The following GLP2R variants were observed in gnomAD, a reference collection of about 807,000 sequenced individuals.
GLP2R encodes glucagon like peptide 2 receptor, also known as glucagon-like peptide 2 receptor.
A neutral mutation model predicts 68.2 loss-of-function variants in GLP2R; 59 were observed. That is an observed-to-expected ratio of 0.87 (90% CI 0.70 to 1.07). The LOEUF is 1.07. GLP2R is among the 50% of genes least tolerant of loss of function. The probability of loss-of-function intolerance (pLI) is 0.00; values close to 1 mark genes in which losing one functional copy is unlikely to be tolerated. For missense variants in GLP2R, 548 were observed against 677.4 expected, an observed-to-expected ratio of 0.81 and a Z score of 2.12; for synonymous variants, 270 against 265.4, an observed-to-expected ratio of 1.02 and a Z score of -0.17.
At chr17:9,857,272 A>G (rs17810315) in intron 5 of GLP2R, 151 bp from the exon 6 acceptor site, 24,926 of 683,052 alleles carry the variant, frequency 0.036, 891 homozygotes, top group East Asian at 0.14. Flanking sequence ...AGGCACAGAG[A>G]TTTACGGTCA....
rs571080465 is a variant in GLP2R, at chr17:9,891,721, T to C, written c.*2016T>C. On this transcript the variant is annotated 3_prime_UTR_variant, in exon 13 of 13. Transcript: ENST00000262441. The stretch of plus-strand genomic sequence containing the variant: ...AATGAAGCAAAGGTTTATTTTTTGG[T>C]GTCCAGATTATCCATAGCTCAGTCA... The C allele has an allele frequency of 3.9e-4, 60 of 152,344 alleles. No homozygotes were observed. Among genetic ancestry groups the C allele is most frequent in the African/African-American group, 1.4e-3 (58 of 41,574 alleles). 9.4% of individuals were successfully genotyped at this position (152,344 alleles called of 1,614,324 possible).
At chr17:9,869,787 C>A (rs896320033) in intron 9 of GLP2R, among the ~76,000 whole-genome samples, 1 of 152,204 alleles carries the variant, frequency 6.6e-6, no homozygotes, top group African/African-American at 2.4e-5. Flanking sequence ...TTTTGAGGAC[C>A]TAGCCCAGAA....
intron 10 of GLP2R, among the ~76,000 whole-genome samples, chr17:9,876,932 C>T (rs1380822101): frequency 1.3e-5 from 2 of 152,090 alleles, no homozygotes; most frequent in African/African-American, 2.4e-5. Flanking sequence ...AGGGTTTACC[C>T]CATGTTATTT....
intron 11 of GLP2R, among the ~76,000 whole-genome samples, chr17:9,886,947 A>G (rs1485513506): frequency 6.6e-6 from 1 of 152,196 alleles, no homozygotes; most frequent in African/African-American, 2.4e-5. Context: ...GTTCCAATAT[A>G]TCAGACACAC....
rs557135591 is a variant in GLP2R at position 9,864,227 on chromosome 17, G to T, written c.1056+2137G>T. Among the ~76,000 whole-genome samples the T allele has an allele frequency of 2.6e-5, 4 of 152,180 alleles. No homozygotes were observed. In the East Asian group the frequency reaches 5.8e-4, roughly 22 times the overall value. ...CTTTTCAAAGGATGGTCCTCAGACC[G>T]GGTAGCACCAGCATCGCCTGAGCGC... On this transcript the variant is annotated intron_variant, in intron 9 of 12. Transcript: ENST00000262441.
At position 9,861,166 on chromosome 17, in the gene GLP2R, G is replaced by C; in HGVS notation, c.953G>C (p.Trp318Ser). 6.2e-7 allele frequency: 1 copy of C among 1,613,614 alleles called. No homozygotes were observed. Among genetic ancestry groups the C allele is most frequent in the East Asian group, 2.2e-5 (1 of 44,872 alleles). ...TTCCCTGTGCTATTTGTTGTACCCT[G>C]GGGTTTCGCCCGTGCACACCTGGAG... is the stretch of plus-strand genomic sequence containing the variant. ...WAFPVLFVVPWGFARAHLENT... is the reference protein window; with the variant it reads ...WAFPVLFVVPSGFARAHLENT... The change falls in exon 8 of 13, where the codon TGG (tryptophan) becomes TCG (serine). Residue 318 changes from tryptophan to serine, a missense_variant. By Grantham distance (177) the Trp-to-Ser change is radical. Coordinates refer to ENST00000262441, the MANE Select transcript of GLP2R (RefSeq NM_004246.3).
chr17:9,872,859 C>G (rs1462613805), intron 10 of GLP2R, among the ~76,000 whole-genome samples: 1 of 152,188 alleles, frequency 6.6e-6, no homozygotes. Flanking sequence ...GGTGGCCACT[C>G]TACCCTCCCT....
chr17:9,833,390 A>T (rs1181991723), intron 1 of GLP2R, among the ~76,000 whole-genome samples: 1 of 152,214 alleles, frequency 6.6e-6, no homozygotes, highest in East Asian at 1.9e-4. Context: ...GGACCTGCAG[A>T]TACCTGGGCA....
Position 9,880,309 on chromosome 17 carries a change from T to C in GLP2R, c.1146-69T>C, listed in dbSNP as rs111238898. 3.1e-6 allele frequency: 3 copies of C among 968,742 alleles called. No homozygotes were observed. The African/African-American group carries it at 4.9e-5, about 16-fold the overall frequency. 60.0% of individuals were successfully genotyped at this position (968,742 alleles called of 1,614,324 possible). ...TAAGAGCTGCAACAAAGTCATGGCA[T>C]GGAAGAGCAGGAAATGTTGCTTGTT... On this transcript the variant is annotated intron_variant, in intron 10 of 12. Transcript: ENST00000262441.
chr17:9,878,957 C>A (rs921882715), intron 10 of GLP2R, among the ~76,000 whole-genome samples: 3 of 152,046 alleles, frequency 2.0e-5, no homozygotes, highest in African/African-American at 7.2e-5. Context: ...ATTACAATTA[C>A]GCTCCTCTTT....
At chr17:9,868,930 G>A (rs1392655667) in intron 9 of GLP2R, among the ~76,000 whole-genome samples, 2 of 152,152 alleles carry the variant, frequency 1.3e-5, no homozygotes, top group African/African-American at 4.8e-5. Context: ...TTCTCTTTAT[G>A]ATGAGAGGCA....
chr17:9,869,388 C>T (rs1169835932), intron 9 of GLP2R, among the ~76,000 whole-genome samples: 1 of 152,208 alleles, frequency 6.6e-6, no homozygotes, highest in East Asian at 1.9e-4. Context: ...CTGTGAAAGA[C>T]CCTGCAGAAA....
At chr17:9,841,874 A>C (rs1454017130) in intron 3 of GLP2R, among the ~76,000 whole-genome samples, 1 of 152,174 alleles carries the variant, frequency 6.6e-6, no homozygotes, top group Non-Finnish European at 1.5e-5. Context: ...ACCTTCTGGG[A>C]GAGTCTCCTG....
chr17:9,848,124 A>AC (rs2066858332), intron 4 of GLP2R, among the ~76,000 whole-genome samples: 1 of 152,240 alleles, frequency 6.6e-6, no homozygotes, highest in African/African-American at 2.4e-5. Context: ...GTGAGATATC[A>AC]CACCTCTTAA....
At chr17:9,835,046 T>C (rs1367030539) in intron 2 of GLP2R, among the ~76,000 whole-genome samples, 4 of 143,110 alleles carry the variant, frequency 2.8e-5, no homozygotes, top group Non-Finnish European at 6.0e-5. Flanking sequence ...TTTTTTTTTT[T>C]TGAGACAGAG....
Position 9,836,573 on chromosome 17 carries a change from T to A in GLP2R, c.382+98T>A, listed in dbSNP as rs1315349669. 8 of 688,926 alleles carry A rather than the reference T, an allele frequency of 1.2e-5. No homozygotes were observed. The Middle Eastern group carries it at 9.8e-4, about 85-fold the overall frequency. 42.7% of individuals were successfully genotyped at this position (688,926 alleles called of 1,614,324 possible). ...CCCCGTCTAAGCTCTCAGTAATACA[T>A]CTTCCTTCTGTAATTTTTCTATTCC... On this transcript the variant is annotated intron_variant, in intron 3 of 12. Coordinates refer to ENST00000262441, the MANE Select transcript of GLP2R (RefSeq NM_004246.3).
chr17:9,877,272 T>A (rs948154617), intron 10 of GLP2R, among the ~76,000 whole-genome samples: 3 of 152,236 alleles, frequency 2.0e-5, no homozygotes, highest in African/African-American at 7.2e-5. Context: ...AAACACAGTC[T>A]GTAAGAGTAA....
At chr17:9,854,696 A>G in intron 5 of GLP2R, 95 bp downstream of exon 5, 1 of 778,836 alleles carries the variant, frequency 1.3e-6, no homozygotes, top group Non-Finnish European at 2.3e-6. Flanking sequence ...TAGATGCCTG[A>G]AACCAGGGGT....
intron 1 of GLP2R, among the ~76,000 whole-genome samples, chr17:9,828,671 C>T (rs563596677): frequency 1.3e-5 from 2 of 152,142 alleles, no homozygotes; most frequent in Non-Finnish European, 2.9e-5. Context: ...AGCCGTTGTG[C>T]CTACCCGGGG....
Sources: allele counts gnomAD v4.1 joint callset (sites outside exome capture counted in the v4.1 genomes callset), GRCh38; gene constraint gnomAD v4.1.1; transcripts MANE v1.5; gene names NCBI Gene and HGNC (gene_info 2026-07-23, HGNC 2026-07-21).